Variants in CIAO3 observed in about 807,000 individuals in gnomAD.
CIAO3 encodes LET1 like/JFP15.
Under a neutral mutation model 51.5 loss-of-function variants are expected in CIAO3, and 45 were observed. The observed-to-expected ratio is 0.87, with a 90% CI of 0.69 to 1.12. CIAO3 has a LOEUF of 1.12. CIAO3 is among the 50% of genes most tolerant of loss of function. The pLI is 0.00. For missense variants in CIAO3, 668 were observed against 632.5 expected, an observed-to-expected ratio of 1.06 and a Z score of -0.60; for synonymous variants, 314 against 269.3, an observed-to-expected ratio of 1.17 and a Z score of -1.63.
In CIAO3 at chr16:734,264, C is replaced by G; in HGVS notation, c.658G>C (p.Gly220Arg). ...GCGAAGAAGTCCTTGACCAGGGAGC[C>G]CATGACCTGCTGCGGGGACCGGGCG... ...STARSPQQVMGSLVKDFFAQQ... is the reference protein window; with the variant it reads ...STARSPQQVMRSLVKDFFAQQ... The change falls in exon 6 of 11, where the codon GGC (glycine) becomes CGC (arginine). Residue 220 changes from glycine to arginine, a missense_variant. By Grantham distance (125) the Gly-to-Arg change is moderately radical. Transcript: ENST00000251588. 6.2e-7 allele frequency: 1 copy of G among 1,612,158 alleles called. No homozygotes were observed. Among genetic ancestry groups the G allele is most frequent in the Non-Finnish European group, 8.5e-7 (1 of 1,179,926 alleles).
In CIAO3 at chr16:734,301, G is replaced by T; in HGVS notation, c.621C>A (p.Pro207=). ...AEKTHGSFIL[P]HISTARSPQQ... is the part of the protein sequence containing the mutation. ...GCGGGGACCGGGCGGTGCTGATGTG[G>T]GGGAGGATGAAGCTGCCGTGAGTCT... Residue 207 remains proline, a synonymous_variant, in exon 6 of 11, where the codon CCC becomes CCA. Transcript: ENST00000251588. 6.2e-7 allele frequency: 1 copy of T among 1,611,966 alleles called. No individual in the cohort carries two copies. The highest frequency in any genetic ancestry group is 1.1e-5 in the South Asian group (1 of 91,082).
intron 7 of CIAO3, chr16:733,060 A>G (rs1404572944): frequency 3.8e-6 from 2 of 527,238 alleles, no homozygotes; most frequent in Non-Finnish European, 6.8e-6. Context: ...GACTCATTTC[A>G]GAGCCAACAA....
rs762350470 is a variant in CIAO3 at position 737,249 on chromosome 16, T to C, written c.243A>G (p.Ala81=). 2 of 1,613,668 alleles carry C rather than the reference T, an allele frequency of 1.2e-6. No individual in the cohort carries two copies. The highest frequency in any genetic ancestry group is 1.3e-5 in the African/African-American group (1 of 75,066). Residue 81 remains alanine, a synonymous_variant, in exon 3 of 11, where the codon GCA becomes GCG. Transcript: ENST00000251588. The surrounding 1 kb of genome is among the most constrained non-coding windows in gnomAD (Gnocchi z 5.3). ...TCTGCTGGGTGATAAGCACGGTCTC[T>C]GCGGAGGTGATGCAGCCGCTGCACG... The part of the protein sequence containing the change: ...CLACSGCITS[A]ETVLITQQSH...
At chr16:731,449 C>A in intron 9 of CIAO3, 116 bp downstream of exon 9, 1 of 1,372,524 alleles carries the variant, frequency 7.3e-7, no homozygotes, top group Non-Finnish European at 9.5e-7. Flanking sequence ...CCAAACCCTG[C>A]AGGCTGCCCT....
At chr16:734,498 C>A (rs545373342) in intron 5 of CIAO3, 151 bp from the exon 6 acceptor site, 5 of 856,218 alleles carry the variant, frequency 5.8e-6, no homozygotes, top group South Asian at 1.5e-5. Flanking sequence ...CCCACCACCA[C>A]GCGGAGCTCG....
rs370536752 is a variant in CIAO3, at chr16:736,450, C to T, written c.307-52G>A. 31 of 1,607,512 alleles carry T rather than the reference C, an allele frequency of 1.9e-5. No individual in the cohort carries two copies. The African/African-American group carries it at 3.9e-4, about 20-fold the overall frequency. Reference sequence around the variant, plus strand: ...TACTCTGCTGGCCTTATGCTGATTCCTGGTGGCCAGAGCCGCACGGTGAGA... The same window carrying T: ...TACTCTGCTGGCCTTATGCTGATTCTTGGTGGCCAGAGCCGCACGGTGAGA... On this transcript the variant is annotated intron_variant, in intron 3 of 10. Transcript: ENST00000251588.
chr16:737,733 G>A lies in CIAO3; in HGVS notation c.163-404C>T. 7.8e-7 allele frequency: 1 copy of A among 1,286,584 alleles called. No individual in the cohort carries two copies. Among genetic ancestry groups the A allele is most frequent in the Non-Finnish European group, 1.0e-6 (1 of 987,800 alleles). 79.7% of individuals were successfully genotyped at this position (1,286,584 alleles called of 1,614,324 possible). On this transcript the variant is annotated intron_variant, in intron 2 of 10. Coordinates refer to ENST00000251588, the MANE Select transcript of CIAO3 (RefSeq NM_022493.3). This position sits in a 1 kb window ranked among gnomAD's most constrained non-coding sequence, Gnocchi z 5.3. ...GGCGGGAAAGCTGAGGACAAAGGAG[G>A]AAAGGACGAAGGCACAGGAAGAGGA...
chr16:736,901 T>G (rs1262469881), intron 3 of CIAO3: 2 of 431,202 alleles, frequency 4.6e-6, no homozygotes, highest in Non-Finnish European at 8.5e-6. Context: ...TGACCTCAGG[T>G]GATCCACCCG....
chr16:740,134 C>T (rs754192903), intron 1 of CIAO3: 14 of 1,298,130 alleles, frequency 1.1e-5, no homozygotes, highest in South Asian at 8.6e-5. Context: ...GCTCAGTGCC[C>T]GGGAAACAAG....
intron 1 of CIAO3, 82 bp downstream of exon 1, chr16:740,838 G>A: frequency 1.5e-6 from 2 of 1,353,404 alleles, no homozygotes; most frequent in Non-Finnish European, 2.0e-6. Flanking sequence ...CCTCAGGGGA[G>A]GAAGTGGGGC....
chr16:736,856 G>A (rs2041344287), intron 3 of CIAO3: 2 of 356,776 alleles, frequency 5.6e-6, no homozygotes, highest in South Asian at 5.8e-5. Context: ...TAGAGACGGG[G>A]TTTCACCATG....
rs923868224 is a variant in CIAO3, at chr16:740,143, A to G, written c.67-405T>C. On this transcript the variant is annotated intron_variant, in intron 1 of 10. Coordinates refer to ENST00000251588, the MANE Select transcript of CIAO3 (RefSeq NM_022493.3). ...CCTCCTGCTCAGTGCCCGGGAAACA[A>G]GTGGATTTCTCTCTCTTCTCCTTGA... 10 of 1,288,866 alleles carry G rather than the reference A, an allele frequency of 7.8e-6. No homozygotes were observed. In the Admixed American group the frequency reaches 9.2e-5, roughly 12 times the overall value. The allele number at this position is 1,288,866 out of a possible 1,614,324, so 79.8% of individuals were successfully genotyped here.
At chr16:739,860 CAG>C in intron 1 of CIAO3, 122 bp from the exon 2 acceptor site, 1 of 1,254,204 alleles carries the variant, frequency 8.0e-7, no homozygotes, top group Non-Finnish European at 1.1e-6. Context: ...GCCATGCACT[CAG>C]GGACTGAGGC....
chr16:737,582 C>A lies in CIAO3; in HGVS notation c.163-253G>T. ...CGAATCACAGGACTAAGGCTTGCCA[C>A]TGGTATCTCAGCAAAGCAGCAGCCA... On this transcript the variant is annotated intron_variant, in intron 2 of 10. Coordinates refer to ENST00000251588, the MANE Select transcript of CIAO3 (RefSeq NM_022493.3). This position sits in a 1 kb window ranked among gnomAD's most constrained non-coding sequence, Gnocchi z 5.3. The A allele has an allele frequency of 6.9e-7, 1 of 1,456,650 alleles. No homozygotes were observed. The highest frequency in any genetic ancestry group is 9.1e-7 in the Non-Finnish European group (1 of 1,096,974). The allele number at this position is 1,456,650 out of a possible 1,614,324, so 90.2% of individuals were successfully genotyped here.
chr16:740,685 A>T (rs908082022), intron 1 of CIAO3: 2 of 545,010 alleles, frequency 3.7e-6, no homozygotes, highest in African/African-American at 2.0e-5. Flanking sequence ...ACCATGGGGC[A>T]CAGGAGCGGG....
rs1467113967 is a variant in CIAO3, at chr16:729,891, G to A, written c.*526C>T. ...TTGGCTTGCCCCGGACCACAGCCTCGTAACGGTAACCCCTGCTTTCCAGGG... is the reference window on the plus strand; with the variant it reads ...TTGGCTTGCCCCGGACCACAGCCTCATAACGGTAACCCCTGCTTTCCAGGG... On this transcript the variant is annotated 3_prime_UTR_variant, in exon 11 of 11. Coordinates refer to ENST00000251588, the MANE Select transcript of CIAO3 (RefSeq NM_022493.3). The A allele has an allele frequency of 1.0e-5, 4 of 391,530 alleles. No individual in the cohort carries two copies. The highest frequency in any genetic ancestry group is 2.2e-5 in the South Asian group (1 of 44,454). 24.3% of individuals were successfully genotyped at this position (391,530 alleles called of 1,614,324 possible).
intron 1 of CIAO3, chr16:740,714 C>G (rs929038685): frequency 1.8e-6 from 1 of 563,078 alleles, no homozygotes; most frequent in African/African-American, 2.0e-5. Context: ...CGCCGCCCTC[C>G]CTGGCCTCAG....
intron 6 of CIAO3, chr16:733,633 T>G: frequency 4.5e-6 from 3 of 663,712 alleles, no homozygotes; most frequent in Admixed American, 3.0e-5. Flanking sequence ...CACTGACCCA[T>G]TCCCAGTGTG....
chr16:731,513 G>A lies in CIAO3; in HGVS notation c.1034+52C>T. The A allele has an allele frequency of 8.0e-6, 12 of 1,497,824 alleles. No individual in the cohort carries two copies. The South Asian group carries it at 1.6e-4, about 20-fold the overall frequency. 92.8% of individuals were successfully genotyped at this position (1,497,824 alleles called of 1,614,324 possible). On this transcript the variant is annotated intron_variant, in intron 9 of 10. Coordinates refer to ENST00000251588, the MANE Select transcript of CIAO3 (RefSeq NM_022493.3). ...CCAGGGGAGGCAGCAGCCCGAGGAA[G>A]GCTGGGGGCTGTGTGGCCGCTCTGC...
Sources: allele counts gnomAD v4.1 joint callset, GRCh38; gene constraint gnomAD v4.1.1; non-coding constraint Gnocchi (gnomAD v3.1); transcripts MANE v1.5; gene names NCBI Gene and HGNC (gene_info 2026-07-23, HGNC 2026-07-21).